The following PDE4D variants were observed in gnomAD, a reference collection of about 807,000 sequenced individuals.
The protein encoded by PDE4D is 3',5'-cyclic-AMP phosphodiesterase 4D.
Under a neutral mutation model 87.4 loss-of-function variants are expected in PDE4D, and 24 were observed. That is an observed-to-expected ratio of 0.27 (90% CI 0.20 to 0.39). The LOEUF is 0.39. Ranked by LOEUF, PDE4D falls within the 10% of genes least tolerant of loss-of-function variation. The pLI is 1.00. For synonymous variants in PDE4D, 384 were observed against 383.2 expected, an observed-to-expected ratio of 1.00 and a Z score of -0.02; for missense variants, 714 against 1,041.0, an observed-to-expected ratio of 0.69 and a Z score of 4.32.
intron 1 of PDE4D, among the ~76,000 whole-genome samples, chr5:59,406,151 A>G (rs6875497): frequency 0.17 from 26,263 of 152,128 alleles, 3,060 homozygotes; most frequent in African/African-American, 0.32. Flanking sequence ...TAAAGCCATC[A>G]GATCCTGGGC....
intron 1 of PDE4D, among the ~76,000 whole-genome samples, chr5:59,873,681 A>G (rs1748141890): frequency 6.6e-6 from 1 of 152,180 alleles, no homozygotes; most frequent in Admixed American, 6.5e-5. Flanking sequence ...CTAAACCAAA[A>G]CAATAAAAGT....
intron 1 of PDE4D, among the ~76,000 whole-genome samples, chr5:60,318,962 CT>C (rs1755921826): frequency 2.0e-5 from 3 of 152,210 alleles, no homozygotes; most frequent in Non-Finnish European, 4.4e-5. Context: ...AATTATGTGT[CT>C]TGGAGTTGCA....
chr5:59,825,771 G>C (rs1372510567), intron 1 of PDE4D, among the ~76,000 whole-genome samples: 1 of 152,158 alleles, frequency 6.6e-6, no homozygotes, highest in African/African-American at 2.4e-5. Flanking sequence ...CTGCATCAGG[G>C]CAGAGACCTG....
intron 5 of PDE4D, among the ~76,000 whole-genome samples, chr5:59,162,745 G>A (rs540776315): frequency 2.6e-4 from 39 of 150,824 alleles, no homozygotes; most frequent in Non-Finnish European, 5.2e-4. Context: ...GTCCCAGGTA[G>A]ACAGGAGGAT....
At chr5:59,738,739 A>C (rs568189171) in intron 1 of PDE4D, among the ~76,000 whole-genome samples, 1 of 151,842 alleles carries the variant, frequency 6.6e-6, no homozygotes, top group Non-Finnish European at 1.5e-5. Context: ...ACTCTAGAGT[A>C]TATTTATCTT....
chr5:59,356,861 C>T (rs745778992), intron 1 of PDE4D: 2 of 1,533,642 alleles, frequency 1.3e-6, no homozygotes, highest in Admixed American at 4.6e-5. Context: ...AAGGACGATG[C>T]CAAGATCCCC....
At chr5:59,348,441 C>T (rs1582092179) in intron 1 of PDE4D, among the ~76,000 whole-genome samples, 4 of 152,134 alleles carry the variant, frequency 2.6e-5, no homozygotes, top group African/African-American at 4.8e-5. Context: ...TAGTGCCCTT[C>T]CCCTCCCCCA....
intron 1 of PDE4D, among the ~76,000 whole-genome samples, chr5:60,376,689 C>T (rs893256468): frequency 1.3e-5 from 2 of 152,184 alleles, no homozygotes; most frequent in Admixed American, 6.5e-5. Context: ...TGGTCCTTCC[C>T]TCTGCCTCTA....
intron 2 of PDE4D, among the ~76,000 whole-genome samples, chr5:60,083,023 C>G (rs116412667): frequency 6.6e-6 from 1 of 152,132 alleles, no homozygotes; most frequent in South Asian, 2.1e-4. Flanking sequence ...AAAGCTCTCT[C>G]GTCTATTTAT....
intron 1 of PDE4D, among the ~76,000 whole-genome samples, chr5:60,233,239 T>C (rs1269019360): frequency 6.6e-6 from 1 of 151,296 alleles, no homozygotes; most frequent in Non-Finnish European, 1.5e-5. Context: ...ACACTTATGA[T>C]CCATTCTTGT....
intron 3 of PDE4D, among the ~76,000 whole-genome samples, chr5:59,910,393 T>C (rs1753313636): frequency 6.6e-6 from 1 of 152,266 alleles, no homozygotes. Flanking sequence ...GAATTGCACA[T>C]CGTCTACTTT....
chr5:59,272,491 A>G (rs1411151120), intron 1 of PDE4D, among the ~76,000 whole-genome samples: 2 of 152,114 alleles, frequency 1.3e-5, no homozygotes, highest in African/African-American at 4.8e-5. Context: ...TTATGAGCAT[A>G]AGAAAATATA....
At chr5:60,081,670 G>C (rs1354300220) in intron 2 of PDE4D, among the ~76,000 whole-genome samples, 2 of 152,104 alleles carry the variant, frequency 1.3e-5, no homozygotes, top group Non-Finnish European at 2.9e-5. Context: ...TTCAGGAGCA[G>C]GTTGTTCAAT....
In PDE4D at chr5:60,497,904, C is replaced by A. The variant is rs988141040; in HGVS notation, n.70+24147G>T. Among the ~76,000 whole-genome samples, 7 of 152,188 alleles carry A rather than the reference C, an allele frequency of 4.6e-5. No individual in the cohort carries two copies. In the East Asian group the frequency reaches 9.6e-4, roughly 21 times the overall value. On this transcript the variant is annotated intron_variant and non_coding_transcript_variant, in intron 1 of 2. Transcript: ENST00000506510. ...AAACTTTGGCAACATATTGCCAGGG[C>A]GATTAGTCAAGTTCCATAACATATG...
chr5:59,557,276 T>C (rs1432074503), intron 1 of PDE4D, among the ~76,000 whole-genome samples: 1 of 152,230 alleles, frequency 6.6e-6, no homozygotes, highest in African/African-American at 2.4e-5. Flanking sequence ...GTAACAACTA[T>C]TGGAAATACC....
At chr5:59,148,753 C>CA (rs1779030845) in intron 5 of PDE4D, among the ~76,000 whole-genome samples, 5 of 77,546 alleles carry the variant, frequency 6.4e-5, no homozygotes, top group South Asian at 5.7e-4. Flanking sequence ...AAATATATAG[C>CA]GGTGTGTGTG....
At chr5:60,442,813 CA>C (rs1053461782) in intron 1 of PDE4D, among the ~76,000 whole-genome samples, 6 of 152,034 alleles carry the variant, frequency 3.9e-5, no homozygotes, top group Admixed American at 1.3e-4. Flanking sequence ...TCAAATTAAA[CA>C]TTTATTTGAA....
chr5:60,005,932 C>G (rs1764432440), intron 2 of PDE4D, among the ~76,000 whole-genome samples: 1 of 151,702 alleles, frequency 6.6e-6, no homozygotes, highest in Admixed American at 6.6e-5. Context: ...TAGTTGCTAC[C>G]ATTTCATACC....
intron 1 of PDE4D, among the ~76,000 whole-genome samples, chr5:59,412,836 C>T (rs1322415720): frequency 6.6e-6 from 1 of 152,012 alleles, no homozygotes; most frequent in African/African-American, 2.4e-5. Context: ...AACTGATATC[C>T]CTGAATTTTT....
Sources: gnomAD v4.1 joint callset for allele counts (sites outside exome capture counted in the v4.1 genomes callset) on GRCh38, gnomAD v4.1.1 for gene constraint, MANE v1.5 for transcripts, NCBI Gene and HGNC (gene_info 2026-07-23, HGNC 2026-07-21) for gene names.